Variants in SH3BP2 observed in about 807,000 individuals in gnomAD.
SH3BP2 encodes SH3 domain-binding protein 2.
A neutral mutation model predicts 56.2 loss-of-function variants in SH3BP2; 38 were observed. The ratio of observed to expected loss-of-function variants is 0.68; its 90% CI spans 0.52 to 0.89. SH3BP2 has a LOEUF of 0.89. SH3BP2 is among the 40% of genes least tolerant of loss of function. The pLI, the probability that SH3BP2 is intolerant of heterozygous loss-of-function variation, is 0.00. For missense variants in SH3BP2, 748 were observed against 762.6 expected, an observed-to-expected ratio of 0.98 and a Z score of 0.23; for synonymous variants, 346 against 316.7, an observed-to-expected ratio of 1.09 and a Z score of -0.98.
At chr4:2,812,314 G>A (rs2108713584) in intron 1 of SH3BP2, 1 of 1,549,240 alleles carries the variant, frequency 6.5e-7, no homozygotes, top group East Asian at 2.4e-5. Context: ...GTGAGCTGTG[G>A]GCACAGCTGT....
At chr4:2,815,935 GA>G (rs1723973718) in intron 1 of SH3BP2, among the ~76,000 whole-genome samples, 1 of 152,196 alleles carries the variant, frequency 6.6e-6, no homozygotes, top group Non-Finnish European at 1.5e-5. Flanking sequence ...AGACTGCCTG[GA>G]AAAGGGAACG....
At chr4:2,798,159 T>C (rs1157426297) in intron 1 of SH3BP2, among the ~76,000 whole-genome samples, 1 of 151,976 alleles carries the variant, frequency 6.6e-6, no homozygotes, top group South Asian at 2.1e-4. Context: ...CTGGCAGCGG[T>C]AGATAGGGAG....
chr4:2,804,070 C>T (rs1560096962), intron 1 of SH3BP2, among the ~76,000 whole-genome samples: 1 of 152,146 alleles, frequency 6.6e-6, no homozygotes, highest in Admixed American at 6.5e-5. Context: ...ACCATGACTC[C>T]AGCCGAGCCC....
intron 5 of SH3BP2, chr4:2,826,603 TC>T (rs1724656631): frequency 6.3e-6 from 2 of 317,196 alleles, no homozygotes; most frequent in African/African-American, 2.6e-5. Flanking sequence ...TGTGTGTTGC[TC>T]TGTGTTTGTG....
At position 2,831,456 on chromosome 4, in the gene SH3BP2, C is replaced by T; in HGVS notation, c.1242-115C>T. The T allele has an allele frequency of 1.3e-6, 1 of 783,078 alleles. No individual in the cohort carries two copies. 48.5% of individuals were successfully genotyped at this position (783,078 alleles called of 1,614,324 possible). A position where few individuals can be genotyped will look rare whatever the true frequency, so the allele number is the denominator to read the frequency against. ...CTGAGCTTTTTAGGGTCACAGGGGC[C>T]ATAGCAGGCAGCTTGCCGTCCTCAC... On this transcript the variant is annotated intron_variant, in intron 8 of 12. Coordinates refer to ENST00000503393, the MANE Select transcript of SH3BP2 (RefSeq NM_001122681.2). This position sits in a 1 kb window ranked among gnomAD's most constrained non-coding sequence, Gnocchi z 4.1.
At chr4:2,797,248 C>G (rs1350932629) in intron 1 of SH3BP2, among the ~76,000 whole-genome samples, 1 of 152,190 alleles carries the variant, frequency 6.6e-6, no homozygotes, top group African/African-American at 2.4e-5. Context: ...AGGGGTCATT[C>G]TGGGAGCCTG....
At position 2,834,420 on chromosome 4, in the gene SH3BP2, G is replaced by T. The variant is rs1377349321; in HGVS notation, c.*586G>T. On this transcript the variant is annotated 3_prime_UTR_variant, in exon 13 of 13. Coordinates refer to ENST00000503393, the MANE Select transcript of SH3BP2 (RefSeq NM_001122681.2). ...TGGTTGTCTTGTCTTCCAGGGTGCA[G>T]GTCACTGAGTGACTTCCCCAGGGTG... 1.3e-5 allele frequency: 2 copies of T among 153,530 alleles called. No homozygotes were observed. Among genetic ancestry groups the T allele is most frequent in the African/African-American group, 4.8e-5 (2 of 41,470 alleles). The allele number at this position is 153,530 out of a possible 1,614,324, so 9.5% of individuals were successfully genotyped here. A position where few individuals can be genotyped will look rare whatever the true frequency, so the allele number is the denominator to read the frequency against.
Position 2,831,760 on chromosome 4 carries a change from T to C in SH3BP2, c.1350+81T>C. The C allele has an allele frequency of 1.4e-6, 2 of 1,383,144 alleles. No individual in the cohort carries two copies. The highest frequency in any genetic ancestry group is 5.0e-5 in the East Asian group (2 of 40,390). The allele number at this position is 1,383,144 out of a possible 1,614,324, so 85.7% of individuals were successfully genotyped here. On this transcript the variant is annotated intron_variant, in intron 9 of 12. Coordinates refer to ENST00000503393, the MANE Select transcript of SH3BP2 (RefSeq NM_001122681.2). The surrounding 1 kb of genome is among the most constrained non-coding windows in gnomAD (Gnocchi z 4.1). ...GAAAGCCATAGGCCAGGGCGGCCCC[T>C]CACAGACCGTCCTGAGCAAGGACCC...
intron 1 of SH3BP2, chr4:2,818,617 A>C (rs1724127341): frequency 1.4e-6 from 1 of 697,350 alleles, no homozygotes; most frequent in Non-Finnish European, 1.8e-6. Context: ...CCGCGGGCGG[A>C]CTGGGCACGG....
intron 1 of SH3BP2, chr4:2,818,340 GCGGGCGTGGATCGCCCCGGGGAAGC>G: frequency 8.5e-7 from 1 of 1,170,544 alleles, no homozygotes; most frequent in Non-Finnish European, 1.1e-6. Flanking sequence ...CGCAGGGGAG[GCGGGCGTGGATCGCCCCGGGGAAGC>G]CGGCCATGCC....
intron 12 of SH3BP2, 189 bp downstream of exon 12, chr4:2,833,238 T>C (rs1170284665): frequency 3.0e-6 from 2 of 660,198 alleles, no homozygotes; most frequent in East Asian, 2.7e-5. Context: ...TCTCGTGGCC[T>C]ACCTTTGTCC....
intron 1 of SH3BP2, among the ~76,000 whole-genome samples, 162 bp downstream of exon 1, chr4:2,793,300 G>C (rs1228395264): frequency 1.4e-5 from 2 of 145,476 alleles, no homozygotes; most frequent in Non-Finnish European, 1.5e-5. Context: ...GGCGGGTCTC[G>C]GGGGTCTCGG....
At position 2,831,520 on chromosome 4, in the gene SH3BP2, C is replaced by T; in HGVS notation, c.1242-51C>T. 4 of 1,419,664 alleles carry T rather than the reference C, an allele frequency of 2.8e-6. No homozygotes were observed. The highest frequency in any genetic ancestry group is 3.9e-6 in the Non-Finnish European group (4 of 1,026,872). 87.9% of individuals were successfully genotyped at this position (1,419,664 alleles called of 1,614,324 possible). ...TGGGGAGGGGAGCAGAGGGTGGCCG[C>T]CCCGTGTCTGACAGTGAAATGGTCC... On this transcript the variant is annotated intron_variant, in intron 8 of 12. Transcript: ENST00000503393. The surrounding 1 kb of genome is among the most constrained non-coding windows in gnomAD (Gnocchi z 4.1).
chr4:2,833,587 G>T (rs1237312088), intron 12 of SH3BP2, 110 bp from the exon 13 acceptor site: 2 of 1,430,762 alleles, frequency 1.4e-6, no homozygotes, highest in African/African-American at 2.8e-5. Context: ...GGGCCAGCCT[G>T]GTGATGCCGC....
intron 1 of SH3BP2, among the ~76,000 whole-genome samples, chr4:2,793,495 A>C (rs1577328923): frequency 8.0e-6 from 1 of 124,410 alleles, no homozygotes; most frequent in Non-Finnish European, 1.7e-5. Context: ...GCAGTGCCCG[A>C]GGGAGCGCGG....
chr4:2,827,208 C>A, intron 5 of SH3BP2, 22 bp from the exon 6 acceptor site: 1 of 1,609,660 alleles, frequency 6.2e-7, no homozygotes, highest in Non-Finnish European at 8.5e-7. Flanking sequence ...CACCGTCCGC[C>A]CCAACGCACC....
At chr4:2,807,751 G>C (rs527601836) in intron 1 of SH3BP2, among the ~76,000 whole-genome samples, 34 of 152,318 alleles carry the variant, frequency 2.2e-4, no homozygotes, top group Admixed American at 1.8e-3. Flanking sequence ...GACAAGGAAG[G>C]GCAGGCCAAA....
At chr4:2,814,452 C>A (rs1004616077) in intron 1 of SH3BP2, among the ~76,000 whole-genome samples, 1 of 152,156 alleles carries the variant, frequency 6.6e-6, no homozygotes, top group Non-Finnish European at 1.5e-5. Flanking sequence ...GAAACAGAGA[C>A]CTGGAGAGTG....
rs540456011 is a variant in SH3BP2 at position 2,837,347 on chromosome 4, A to G, written c.*3513A>G. The G allele has an allele frequency of 2.6e-5, 4 of 152,162 alleles. No individual in the cohort carries two copies. Among genetic ancestry groups the G allele is most frequent in the Non-Finnish European group, 5.9e-5 (4 of 68,050 alleles). 9.4% of individuals were successfully genotyped at this position (152,162 alleles called of 1,614,324 possible). The stretch of plus-strand genomic sequence containing the variant: ...CCAGCCTTGAAAAGATGTTTTTAGA[A>G]CCAGAAGAAACCTCGGTTCCCACTG... On this transcript the variant is annotated 3_prime_UTR_variant, in exon 13 of 13. Transcript: ENST00000503393.
Sources: allele counts gnomAD v4.1 joint callset (sites outside exome capture counted in the v4.1 genomes callset), GRCh38; gene constraint gnomAD v4.1.1; non-coding constraint Gnocchi (gnomAD v3.1); transcripts MANE v1.5; gene names NCBI Gene and HGNC (gene_info 2026-07-23, HGNC 2026-07-21).